SLC2A13: variants seen among roughly 807,000 people sequenced by gnomAD.
SLC2A13 encodes the protein solute carrier family 2 member 13, also known as proton myo-inositol cotransporter.
Under a neutral mutation model 64.4 loss-of-function variants are expected in SLC2A13, and 32 were observed. The observed-to-expected ratio is 0.50, with a 90% confidence interval of 0.37 to 0.67. The LOEUF is 0.67. SLC2A13 is among the 30% of genes least tolerant of loss of function. The pLI is 0.00. For synonymous variants in SLC2A13, 338 were observed against 327.1 expected (o/e 1.03, Z -0.36); for missense variants, 743 against 829.2 (o/e 0.90, Z 1.28).
chr12:39,902,129 G>A, intron 4 of SLC2A13, among the ~76,000 whole-genome samples: 1 of 148,976 alleles, frequency 6.7e-6, no homozygotes, highest in Non-Finnish European at 1.5e-5. Flanking sequence ...ACTCATAGGT[G>A]GGAATTGAAC....
At chr12:39,842,611 T>A (rs943004718) in intron 6 of SLC2A13, among the ~76,000 whole-genome samples, 5 of 152,016 alleles carry the variant, frequency 3.3e-5, no homozygotes, top group South Asian at 2.1e-4. Context: ...CACATATTTT[T>A]AAAAATTTTT....
chr12:39,959,073 C>A (rs1016240772), intron 3 of SLC2A13, among the ~76,000 whole-genome samples: 10 of 151,838 alleles, frequency 6.6e-5, no homozygotes, highest in Non-Finnish European at 1.5e-4. Flanking sequence ...AGAGAAACAC[C>A]AGAGCAAGTA....
intron 6 of SLC2A13, among the ~76,000 whole-genome samples, chr12:39,856,884 C>G (rs1173442111): frequency 2.6e-5 from 4 of 152,078 alleles, no homozygotes; most frequent in Admixed American, 2.6e-4. Context: ...TTTTAGGGGC[C>G]TTGTTTCATA....
chr12:40,099,506 T>C (rs1358969271), intron 1 of SLC2A13, among the ~76,000 whole-genome samples: 2 of 152,228 alleles, frequency 1.3e-5, no homozygotes, highest in Non-Finnish European at 2.9e-5. Context: ...CAGTTAACTT[T>C]GAGTGTGTTC....
At chr12:39,980,308 A>G (rs1264611926) in intron 3 of SLC2A13, among the ~76,000 whole-genome samples, 2 of 152,156 alleles carry the variant, frequency 1.3e-5, no homozygotes, top group African/African-American at 2.4e-5. Flanking sequence ...GACAGGATCA[A>G]ATTCACACAT....
chr12:39,972,829 A>T (rs997550554), intron 3 of SLC2A13, among the ~76,000 whole-genome samples: 3 of 152,180 alleles, frequency 2.0e-5, no homozygotes, highest in African/African-American at 7.2e-5. Context: ...GCACTTTGGG[A>T]GGCCAAGGCA....
At position 39,871,780 on chromosome 12, in the gene SLC2A13, C is replaced by A. The variant is rs545420470; in HGVS notation, c.1198+18G>T. 6.3e-7 allele frequency: 1 copy of A among 1,580,826 alleles called. No homozygotes were observed. Among genetic ancestry groups the A allele is most frequent in the South Asian group, 1.2e-5 (1 of 84,928 alleles). ...AGGAAATAAAGTTTATAATTGAATTCTTTATCCAGCCACCTACCTGCTAAA... is the reference window on the plus strand; with the variant it reads ...AGGAAATAAAGTTTATAATTGAATTATTTATCCAGCCACCTACCTGCTAAA... On this transcript the variant is annotated intron_variant, in intron 5 of 9. Coordinates refer to ENST00000280871, the MANE Select transcript of SLC2A13 (RefSeq NM_052885.4).
At chr12:39,926,683 A>G (rs925548837) in intron 4 of SLC2A13, among the ~76,000 whole-genome samples, 4 of 152,136 alleles carry the variant, frequency 2.6e-5, no homozygotes, top group Non-Finnish European at 4.4e-5. Context: ...TGGCCCAATC[A>G]TAGCTCAATG....
At chr12:40,007,559 C>T (rs1237542296) in intron 3 of SLC2A13, among the ~76,000 whole-genome samples, 3 of 152,068 alleles carry the variant, frequency 2.0e-5, no homozygotes, top group Non-Finnish European at 4.4e-5. Context: ...ACTAGACTCA[C>T]ATAGTTTTTA....
At chr12:39,779,115 G>A (rs1358523219) in intron 7 of SLC2A13, among the ~76,000 whole-genome samples, 1 of 152,196 alleles carries the variant, frequency 6.6e-6, no homozygotes, top group Non-Finnish European at 1.5e-5. Flanking sequence ...GATCTCAGTG[G>A]CTACTAGCCC....
At chr12:39,896,312 ATAT>A (rs1944865581) in intron 4 of SLC2A13, among the ~76,000 whole-genome samples, 2 of 129,460 alleles carry the variant, frequency 1.5e-5, no homozygotes, top group South Asian at 5.3e-4. Flanking sequence ...ATGTATACAT[ATAT>A]GTATGTATAT....
intron 4 of SLC2A13, among the ~76,000 whole-genome samples, chr12:39,896,275 T>TGTAC (rs1944855916): frequency 8.4e-6 from 1 of 118,510 alleles, no homozygotes; most frequent in Admixed American, 8.4e-5. Context: ...TGTATATATG[T>TGTAC]ATACATGTAT....
At chr12:40,055,094 CCAAA>C (rs956390215) in intron 1 of SLC2A13, among the ~76,000 whole-genome samples, 26 of 152,232 alleles carry the variant, frequency 1.7e-4, no homozygotes, top group African/African-American at 5.3e-4. Context: ...TACATTTTTT[CCAAA>C]CAGTCAAGTA....
chr12:40,001,091 G>C lies in SLC2A13; in HGVS notation c.925+27210C>G, dbSNP rs549246382. Among the ~76,000 whole-genome samples, 3 of 152,318 alleles carry C rather than the reference G, an allele frequency of 2.0e-5. No individual in the cohort carries two copies. The South Asian group carries it at 6.2e-4, about 32-fold the overall frequency. The stretch of plus-strand genomic sequence containing the variant: ...AACATCAACATGACCAAGCAAACAG[G>C]AGTCTCCTGACTCACACACTCAATG... On this transcript the variant is annotated intron_variant, in intron 3 of 9. Coordinates refer to ENST00000280871, the MANE Select transcript of SLC2A13 (RefSeq NM_052885.4).
intron 2 of SLC2A13, among the ~76,000 whole-genome samples, chr12:40,037,217 T>C (rs1565600093): frequency 6.6e-6 from 1 of 152,198 alleles, no homozygotes; most frequent in Non-Finnish European, 1.5e-5. Flanking sequence ...GCCCTAGTAA[T>C]AGAATTATGC....
intron 7 of SLC2A13, among the ~76,000 whole-genome samples, chr12:39,818,697 A>G (rs1942406896): frequency 6.6e-6 from 1 of 152,176 alleles, no homozygotes; most frequent in African/African-American, 2.4e-5. Context: ...ATACTATCTT[A>G]GGTTATACAG....
intron 4 of SLC2A13, 111 bp from the exon 5 acceptor site, chr12:39,872,072 T>C (rs1944071302): frequency 1.2e-6 from 1 of 807,696 alleles, no homozygotes; most frequent in East Asian, 3.2e-5. Flanking sequence ...AGAACTACAG[T>C]AATAACATCA....
At chr12:40,028,266 G>T in intron 3 of SLC2A13, 35 bp downstream of exon 3, 1 of 1,531,950 alleles carries the variant, frequency 6.5e-7, no homozygotes. Flanking sequence ...CCACTGTATA[G>T]TTTTTAAATT....
intron 3 of SLC2A13, among the ~76,000 whole-genome samples, chr12:39,959,560 A>G (rs981953730): frequency 2.6e-5 from 4 of 152,236 alleles, no homozygotes; most frequent in Non-Finnish European, 5.9e-5. Context: ...ACTGTTTTCA[A>G]AAACCAATTT....
Sources: gnomAD v4.1 joint callset for allele counts (sites outside exome capture counted in the v4.1 genomes callset) on GRCh38, gnomAD v4.1.1 for gene constraint, MANE v1.5 for transcripts, NCBI Gene and HGNC (gene_info 2026-07-23, HGNC 2026-07-21) for gene names.